Variants in CNTNAP4 observed in about 807,000 individuals in gnomAD.
CNTNAP4 encodes contactin-associated protein-like 4.
CNTNAP4 carries 98 observed loss-of-function variants against 148.4 expected under a neutral mutation model. That is an observed-to-expected ratio of 0.66 (90% CI 0.56 to 0.78). CNTNAP4 has a LOEUF of 0.78. Ranked by LOEUF, CNTNAP4 falls within the 30% of genes least tolerant of loss-of-function variation. The pLI, the probability that CNTNAP4 is intolerant of heterozygous loss-of-function variation, is 0.00. For missense variants in CNTNAP4, 1,935 were observed against 1,565.6 expected, an observed-to-expected ratio of 1.24 and a Z score of -3.98; for synonymous variants, 730 against 565.1, an observed-to-expected ratio of 1.29 and a Z score of -4.14.
In CNTNAP4 at chr16:76,553,445, G is replaced by A. The variant is rs2144407210; in HGVS notation, c.3605G>A (p.Cys1202Tyr). ...ACAGGACACGTGACTGAGTCCAGCTGTATGGCCCAGCCTGGCACTGATGCC... is the reference window on the plus strand; with the variant it reads ...ACAGGACACGTGACTGAGTCCAGCTATATGGCCCAGCCTGGCACTGATGCC... ...TVTGHVTESS[C>Y]MAQPGTDATS... The change falls in exon 22 of 24, where the codon TGT becomes TAT. Residue 1202 changes from cysteine to tyrosine, a missense_variant. Coordinates refer to ENST00000611870, the MANE Select transcript of CNTNAP4 (RefSeq NM_033401.5). 6.2e-7 allele frequency: 1 copy of A among 1,612,628 alleles called. No homozygotes were observed. Among genetic ancestry groups the A allele is most frequent in the East Asian group, 2.2e-5 (1 of 44,852 alleles).
At chr16:76,319,325 C>T (rs917481309) in intron 2 of CNTNAP4, among the ~76,000 whole-genome samples, 6 of 151,924 alleles carry the variant, frequency 3.9e-5, no homozygotes, top group African/African-American at 1.5e-4. Context: ...CCAGGGGGTG[C>T]AGGTAACGTG....
chr16:76,359,990 A>C (rs966545941), intron 3 of CNTNAP4, among the ~76,000 whole-genome samples: 37 of 152,362 alleles, frequency 2.4e-4, no homozygotes, highest in African/African-American at 8.9e-4. Context: ...TTTATACTGC[A>C]GACTACAAGG....
intron 22 of CNTNAP4, 146 bp downstream of exon 22, chr16:76,553,647 T>C: frequency 1.5e-6 from 1 of 683,880 alleles, no homozygotes; most frequent in South Asian, 1.9e-5. Flanking sequence ...CTCCTTCCCA[T>C]ATCTTTTCTA....
At chr16:76,390,574 T>TAAAA (rs10670094) in intron 3 of CNTNAP4, among the ~76,000 whole-genome samples, 12 of 144,742 alleles carry the variant, frequency 8.3e-5, no homozygotes, top group African/African-American at 2.8e-4. Flanking sequence ...AAATAACAGG[T>TAAAA]AAAAAAAAAA....
chr16:76,293,491 C>T (rs1309375742), intron 1 of CNTNAP4, among the ~76,000 whole-genome samples: 10 of 152,002 alleles, frequency 6.6e-5, no homozygotes, highest in African/African-American at 2.4e-4. Context: ...TTCCTATCTA[C>T]CTGTCTATTT....
At chr16:76,515,919 T>C (rs898992775) in intron 15 of CNTNAP4, among the ~76,000 whole-genome samples, 3 of 151,884 alleles carry the variant, frequency 2.0e-5, no homozygotes, top group Non-Finnish European at 2.9e-5. Flanking sequence ...GTTTAGTAGT[T>C]TCTTTTTGTT....
intron 2 of CNTNAP4, among the ~76,000 whole-genome samples, chr16:76,319,795 GT>G (rs1171267976): frequency 6.6e-6 from 1 of 152,010 alleles, no homozygotes; most frequent in Non-Finnish European, 1.5e-5. Context: ...AGAAAGAGGG[GT>G]TCTTCTCTAA....
chr16:76,352,139 G>T (rs2011874980), intron 2 of CNTNAP4, among the ~76,000 whole-genome samples: 2 of 151,852 alleles, frequency 1.3e-5, no homozygotes, highest in Non-Finnish European at 1.5e-5. Context: ...ACTTTTTCTT[G>T]TAAACAAAAA....
chr16:76,435,594 T>G (rs1669480785), intron 4 of CNTNAP4, among the ~76,000 whole-genome samples: 1 of 152,158 alleles, frequency 6.6e-6, no homozygotes, highest in African/African-American at 2.4e-5. Context: ...CAAATCTGTT[T>G]TGCAAGGTGT....
chr16:76,481,495 C>T (rs2081826144), intron 12 of CNTNAP4, among the ~76,000 whole-genome samples: 1 of 152,126 alleles, frequency 6.6e-6, no homozygotes, highest in Admixed American at 6.6e-5. Flanking sequence ...GGCTGGGCAA[C>T]ATAGTGAGAC....
chr16:76,518,946 C>G (rs1463843624), intron 15 of CNTNAP4, among the ~76,000 whole-genome samples: 1 of 152,158 alleles, frequency 6.6e-6, no homozygotes, highest in African/African-American at 2.4e-5. Context: ...ATGCTGTCTT[C>G]AAAAGCCTGC....
intron 2 of CNTNAP4, among the ~76,000 whole-genome samples, chr16:76,352,988 T>C (rs1352753061): frequency 6.6e-6 from 1 of 152,184 alleles, no homozygotes; most frequent in African/African-American, 2.4e-5. Flanking sequence ...GCCCTCTTGC[T>C]TAAAAGATGA....
At chr16:76,511,593 A>G (rs1400233519) in intron 15 of CNTNAP4, among the ~76,000 whole-genome samples, 1 of 152,154 alleles carries the variant, frequency 6.6e-6, no homozygotes, top group Non-Finnish European at 1.5e-5. Context: ...TAGCTCCACT[A>G]TGCTTGATAA....
rs555993791 is a variant in CNTNAP4 at position 76,318,820 on chromosome 16, C to T, written c.196+2297C>T. ...ATGAGAAATTATTCTCATAATTTCT[C>T]ATAACATTTCTCATAATATTTCAGT... is the stretch of plus-strand genomic sequence containing the variant. On this transcript the variant is annotated intron_variant, in intron 2 of 23. Transcript: ENST00000611870. 2.5e-3 allele frequency among the ~76,000 whole-genome samples: 374 copies of T among 150,516 alleles called. 1 individual carries two copies. The highest frequency in any genetic ancestry group is 8.9e-3 in the African/African-American group (366 of 41,182).
rs1300861439 is a variant in CNTNAP4 at position 76,560,750 on chromosome 16, A to G, written c.*2067A>G. Among the ~76,000 whole-genome samples the G allele has an allele frequency of 6.6e-6, 1 of 152,152 alleles. No individual in the cohort carries two copies. The highest frequency in any genetic ancestry group is 1.5e-5 in the Non-Finnish European group (1 of 68,028). On this transcript the variant is annotated 3_prime_UTR_variant, in exon 24 of 24. Transcript: ENST00000611870. ...TTATCATTAATAAAATGCATTTTTG[A>G]ACTAAAATGCAAAACAGAAGTCAAT...
intron 1 of CNTNAP4, among the ~76,000 whole-genome samples, chr16:76,311,534 A>G (rs769347600): frequency 1.3e-5 from 2 of 152,246 alleles, no homozygotes; most frequent in African/African-American, 2.4e-5. Flanking sequence ...ACTAGTATAT[A>G]TACATTTTTT....
At chr16:76,393,883 A>G (rs187383591) in intron 3 of CNTNAP4, among the ~76,000 whole-genome samples, 36 of 152,316 alleles carry the variant, frequency 2.4e-4, no homozygotes, top group African/African-American at 5.3e-4. Context: ...AGGGGCTTCA[A>G]TGAATTCAGA....
intron 1 of CNTNAP4, chr16:76,309,991 T>G: frequency 3.0e-6 from 2 of 668,548 alleles, no homozygotes; most frequent in Non-Finnish European, 5.4e-6. Flanking sequence ...CAGGGGCCAG[T>G]TGCTACAGGA....
In CNTNAP4 at chr16:76,277,640, G is replaced by A. The variant is rs763263785; in HGVS notation, c.-23G>A. The A allele has an allele frequency of 2.6e-6, 4 of 1,557,252 alleles. No individual in the cohort carries two copies. Among genetic ancestry groups the A allele is most frequent in the Non-Finnish European group, 3.5e-6 (4 of 1,138,596 alleles). ...CTCTGAGAGCCTCTCAAGATCTTTT[G>A]GGGGAGCCCAATAAATGTGAACATG... On this transcript the variant is annotated 5_prime_UTR_variant, in exon 1 of 24. Coordinates refer to ENST00000611870, the MANE Select transcript of CNTNAP4 (RefSeq NM_033401.5).
Sources: gnomAD v4.1 joint callset for allele counts (sites outside exome capture counted in the v4.1 genomes callset) on GRCh38, gnomAD v4.1.1 for gene constraint, MANE v1.5 for transcripts, NCBI Gene and HGNC (gene_info 2026-07-23, HGNC 2026-07-21) for gene names.